The following KLHL2 variants were observed in gnomAD, a reference collection of about 807,000 sequenced individuals.
KLHL2 encodes the protein kelch-like protein 2.
A neutral mutation model predicts 75.8 loss-of-function variants in KLHL2; 15 were observed. That is an observed-to-expected ratio of 0.20 (90% confidence interval 0.13 to 0.30). KLHL2 has a LOEUF of 0.30. Ranked by LOEUF, KLHL2 falls within the 10% of genes least tolerant of loss-of-function variation. KLHL2 has a pLI of 1.00. For missense variants in KLHL2, 381 were observed against 741.0 expected, an observed-to-expected ratio of 0.51 and a Z score of 5.64; for synonymous variants, 214 against 251.9, an observed-to-expected ratio of 0.85 and a Z score of 1.42.
In KLHL2 at chr4:165,298,793, C is replaced by T. The variant is rs181848547; in HGVS notation, c.772-714C>T. On this transcript the variant is annotated intron_variant, in intron 7 of 14. Coordinates refer to ENST00000226725, the MANE Select transcript of KLHL2 (RefSeq NM_007246.4). ...TCTACTAAAAATACAAAAAATTAGC[C>T]AGACATGGTGGCAGGTGCCTGTAGT... Among the ~76,000 whole-genome samples the T allele has an allele frequency of 2.0e-3, 298 of 152,102 alleles. 1 individual carries two copies. The highest frequency in any genetic ancestry group is 3.3e-3 in the South Asian group (16 of 4,810).
At chr4:165,233,152 C>T (rs899321989) in intron 3 of KLHL2, among the ~76,000 whole-genome samples, 18 of 152,050 alleles carry the variant, frequency 1.2e-4, no homozygotes, top group African/African-American at 3.6e-4. Context: ...TTCTGTTACT[C>T]GTCATAGTTC....
intron 2 of KLHL2, among the ~76,000 whole-genome samples, chr4:165,222,820 T>C (rs1233979169): frequency 2.6e-5 from 4 of 152,222 alleles, no homozygotes; most frequent in Admixed American, 6.5e-5. Flanking sequence ...AAGGGAAAAC[T>C]TCCTTGTTCT....
chr4:165,253,707 C>T (rs902635516), intron 4 of KLHL2, among the ~76,000 whole-genome samples: 3 of 152,202 alleles, frequency 2.0e-5, no homozygotes, highest in African/African-American at 7.2e-5. Context: ...TTCCAGGCAA[C>T]CATTGATGTG....
chr4:165,296,541 A>G (rs1441209202), intron 6 of KLHL2, among the ~76,000 whole-genome samples: 1 of 152,152 alleles, frequency 6.6e-6, no homozygotes, highest in African/African-American at 2.4e-5. Context: ...AAGGGTATGG[A>G]TCTGGGAGAT....
intron 5 of KLHL2, chr4:165,278,014 G>A (rs758079239): frequency 1.4e-5 from 21 of 1,461,652 alleles, no homozygotes; most frequent in South Asian, 5.7e-5. Flanking sequence ...ACCTTGCTCC[G>A]ATTAACATTG....
At chr4:165,256,630 T>C (rs1305164303) in intron 4 of KLHL2, among the ~76,000 whole-genome samples, 4 of 152,248 alleles carry the variant, frequency 2.6e-5, no homozygotes, top group Admixed American at 2.6e-4. Context: ...GCTAGCATTG[T>C]AGAGATCCAG....
chr4:165,277,756 C>A (rs1326254367), intron 5 of KLHL2: 9 of 328,048 alleles, frequency 2.7e-5, no homozygotes, highest in East Asian at 2.7e-4. Context: ...AAAACACACA[C>A]ACACACACAC....
intron 5 of KLHL2, chr4:165,278,612 A>G (rs767708526): frequency 4.2e-5 from 67 of 1,597,730 alleles, no homozygotes; most frequent in African/African-American, 1.2e-4. Flanking sequence ...AAGTTTTTCA[A>G]TTTCTTCTGA....
chr4:165,228,917 T>C lies in KLHL2; in HGVS notation c.259+4T>C. On this transcript the variant is annotated splice_donor_region_variant and intron_variant, in intron 3 of 14. Transcript: ENST00000226725. ...TATTTTCATGCCATGTTTACAGGTA[T>C]GAAATATTTTAGTTATAGGCATTTT... The C allele has an allele frequency of 6.3e-7, 1 of 1,579,890 alleles. No individual in the cohort carries two copies. The highest frequency in any genetic ancestry group is 8.7e-7 in the Non-Finnish European group (1 of 1,151,788).
Position 165,238,911 on chromosome 4 carries a change from C to T in KLHL2, c.381+12C>T. 6.3e-7 allele frequency: 1 copy of T among 1,599,898 alleles called. No individual in the cohort carries two copies. Among genetic ancestry groups the T allele is most frequent in the Non-Finnish European group, 8.5e-7 (1 of 1,176,346 alleles). On this transcript the variant is annotated intron_variant, in intron 4 of 14. Transcript: ENST00000226725. Reference sequence around the variant, plus strand: ...AAGAAAATGTACAGGTAAGAGTAAACACTTCACACCATCTAGCTTTTTATG... The same window carrying T: ...AAGAAAATGTACAGGTAAGAGTAAATACTTCACACCATCTAGCTTTTTATG...
At chr4:165,238,297 C>G (rs1313217669) in intron 3 of KLHL2, among the ~76,000 whole-genome samples, 1 of 152,182 alleles carries the variant, frequency 6.6e-6, no homozygotes, top group Non-Finnish European at 1.5e-5. Flanking sequence ...AGGGTGGAGC[C>G]TCTGTGTCTG....
intron 5 of KLHL2, among the ~76,000 whole-genome samples, chr4:165,274,684 T>C (rs1742942836): frequency 1.3e-5 from 2 of 152,172 alleles, no homozygotes; most frequent in Non-Finnish European, 2.9e-5. Flanking sequence ...TAAGAACTGC[T>C]TCATTTCTTT....
intron 1 of KLHL2, among the ~76,000 whole-genome samples, chr4:165,212,621 A>T (rs761738700): frequency 6.6e-6 from 1 of 152,136 alleles, no homozygotes; most frequent in Non-Finnish European, 1.5e-5. Flanking sequence ...GCTAAATGTG[A>T]TTTGCATACT....
intron 5 of KLHL2, chr4:165,279,512 T>A: frequency 6.4e-7 from 1 of 1,568,490 alleles, no homozygotes. Flanking sequence ...TGGGAACTCT[T>A]GTTTTATTTC....
chr4:165,298,259 T>C (rs1745069169), intron 7 of KLHL2, among the ~76,000 whole-genome samples: 1 of 146,760 alleles, frequency 6.8e-6, no homozygotes, highest in Non-Finnish European at 1.5e-5. Flanking sequence ...AGTCACTGCT[T>C]TGCATCTTCT....
intron 1 of KLHL2, chr4:165,208,655 T>C (rs1053307415): frequency 6.6e-6 from 1 of 152,230 alleles, no homozygotes; most frequent in Non-Finnish European, 1.5e-5. Flanking sequence ...AGGGTTTTTT[T>C]TTTAAATTTT....
At chr4:165,242,754 C>T (rs551660481) in intron 4 of KLHL2, among the ~76,000 whole-genome samples, 3 of 152,280 alleles carry the variant, frequency 2.0e-5, no homozygotes, top group African/African-American at 4.8e-5. Flanking sequence ...ACCTTGGCCT[C>T]CTCAAGTGCT....
intron 13 of KLHL2, among the ~76,000 whole-genome samples, chr4:165,316,497 G>A (rs1324186319): frequency 6.6e-6 from 1 of 152,156 alleles, no homozygotes; most frequent in East Asian, 1.9e-4. Flanking sequence ...GATTTGGGCA[G>A]CATTATTCGG....
Position 165,322,438 on chromosome 4 carries a change from C to A in KLHL2, c.*378C>A, listed in dbSNP as rs1373360206. 1 of 164,002 alleles carries A rather than the reference C, an allele frequency of 6.1e-6. No homozygotes were observed. The highest frequency in any genetic ancestry group is 1.7e-4 in the East Asian group (1 of 5,810). The allele number at this position is 164,002 out of a possible 1,614,324, so 10.2% of individuals were successfully genotyped here. On this transcript the variant is annotated 3_prime_UTR_variant, in exon 15 of 15. Coordinates refer to ENST00000226725, the MANE Select transcript of KLHL2 (RefSeq NM_007246.4). ...GTAAAATTAAATTTTATCTTTATTT[C>A]TTCTAAAAATCTGTATACCAGGAAC...
Sources: gnomAD v4.1 joint callset for allele counts (sites outside exome capture counted in the v4.1 genomes callset) on GRCh38, gnomAD v4.1.1 for gene constraint, MANE v1.5 for transcripts, NCBI Gene and HGNC (gene_info 2026-07-23, HGNC 2026-07-21) for gene names.